USP24: variants seen among roughly 807,000 people sequenced by gnomAD.
USP24 encodes the protein ubiquitin carboxyl-terminal hydrolase 24.
In USP24, 97 loss-of-function variants were observed where a neutral mutation model predicts 361.6. The observed-to-expected ratio is 0.27, with a 90% CI of 0.23 to 0.32. USP24 has a LOEUF of 0.32. Among genes scored for constraint, USP24 ranks in the 10% least tolerant of loss-of-function variants. USP24 has a pLI of 1.00. For synonymous variants in USP24, 1,098 were observed against 1,124.6 expected (o/e 0.98, Z 0.47); for missense variants, 2,353 against 3,165.6 (o/e 0.74, Z 6.16).
At chr1:55,081,678 G>C (rs1328221933) in intron 58 of USP24, among the ~76,000 whole-genome samples, 2 of 152,140 alleles carry the variant, frequency 1.3e-5, no homozygotes, top group Non-Finnish European at 2.9e-5. Context: ...CAGTATAATG[G>C]GAAAAACTCT....
chr1:55,215,150 C>G lies in USP24; in HGVS notation c.-37G>C. On this transcript the variant is annotated 5_prime_UTR_variant, in exon 1 of 68. Transcript: ENST00000294383. ...CCTGGCCGCCCCGGCCAGCGCACGG[C>G]GAAGCTACGGGTCCCGGGCCTGGCG... The G allele has an allele frequency of 8.2e-7, 1 of 1,217,332 alleles. No individual in the cohort carries two copies. The allele number at this position is 1,217,332 out of a possible 1,614,324, so 75.4% of individuals were successfully genotyped here.
rs1570320343 is a variant in USP24, at chr1:55,068,821, G to A, written c.*224C>T. 2.3e-5 allele frequency: 13 copies of A among 560,182 alleles called. No homozygotes were observed. In the East Asian group the frequency reaches 2.6e-4, roughly 11 times the overall value. The allele number at this position is 560,182 out of a possible 1,614,324, so 34.7% of individuals were successfully genotyped here. ...GAATCCACATATAGACCACGCTCCC[G>A]GGACAGCTGATCCACATGCCGGAGT... is the stretch of plus-strand genomic sequence containing the variant. On this transcript the variant is annotated 3_prime_UTR_variant, in exon 68 of 68. Transcript: ENST00000294383.
At chr1:55,088,005 G>T in intron 55 of USP24, among the ~76,000 whole-genome samples, 1 of 152,248 alleles carries the variant, frequency 6.6e-6, no homozygotes. Flanking sequence ...CAAGCAGAGA[G>T]TGAGTCAAGG....
In USP24 at chr1:55,086,058, G is replaced by A; in HGVS notation, c.6669-20C>T. On this transcript the variant is annotated intron_variant, in intron 55 of 67. Coordinates refer to ENST00000294383, the MANE Select transcript of USP24 (RefSeq NM_015306.3). Reference sequence around the variant, plus strand: ...AAAATCCTGAAAGAAAGAGAAAGGTGGTGTGAAAAAGCAAGATACATTTCC... The same window carrying A: ...AAAATCCTGAAAGAAAGAGAAAGGTAGTGTGAAAAAGCAAGATACATTTCC... The A allele has an allele frequency of 4.3e-6, 7 of 1,610,824 alleles. No individual in the cohort carries two copies. The highest frequency in any genetic ancestry group is 5.9e-6 in the Non-Finnish European group (7 of 1,177,462).
chr1:55,136,958 A>T (rs1646752671), intron 28 of USP24, among the ~76,000 whole-genome samples: 1 of 152,178 alleles, frequency 6.6e-6, no homozygotes, highest in South Asian at 2.1e-4. Flanking sequence ...TTTTTAAGGG[A>T]ATGACTGTAG....
chr1:55,175,200 T>G (rs553478466), intron 3 of USP24, among the ~76,000 whole-genome samples: 21 of 147,562 alleles, frequency 1.4e-4, no homozygotes, highest in Non-Finnish European at 2.8e-4. Context: ...GCAAATGAAC[T>G]CTTTGTTTTA....
chr1:55,132,579 C>T lies in USP24; in HGVS notation c.3503G>A (p.Gly1168Glu). The change falls in exon 31 of 68, where the codon GGA becomes GAA. Residue 1168 changes from glycine (G) to glutamate (E), a missense_variant. By Grantham distance (98) the Gly-to-Glu change is moderately conservative. Around this residue, in one of 8 missense-constraint regions of USP24, gnomAD observed 949 missense variants for 1,280.5 expected, o/e 0.74. Transcript: ENST00000294383. ...LESLFRSFAP[G>E]MSTFRVLYNL... ...GTAGAGCACTCTGAAGGTAGACATT[C>T]CCGGGGCAAAAGATCGAAACAGACT... is the stretch of plus-strand genomic sequence containing the variant. 1.2e-6 allele frequency: 2 copies of T among 1,613,572 alleles called. No individual in the cohort carries two copies. Among genetic ancestry groups the T allele is most frequent in the Non-Finnish European group, 1.7e-6 (2 of 1,179,644 alleles).
chr1:55,090,827 G>A (rs1418834065), intron 54 of USP24, among the ~76,000 whole-genome samples: 2 of 152,256 alleles, frequency 1.3e-5, no homozygotes, highest in Non-Finnish European at 2.9e-5. Context: ...GCTCACGCCT[G>A]TAATCTCTGC....
chr1:55,192,788 T>G (rs1378577185), intron 1 of USP24, among the ~76,000 whole-genome samples: 1 of 152,170 alleles, frequency 6.6e-6, no homozygotes, highest in African/African-American at 2.4e-5. Context: ...GATAAACAAG[T>G]AAGTGTATGC....
rs1398156773 is a variant in USP24 at position 55,199,614 on chromosome 1, T to TGAGAGAGAGAGA, written c.324+15175_324+15176insTCTCTCTCTCTC. ...GTGTGTGTGTGTGTGTGTGTGTGTG[T>TGAGAGAGAGAGA]GTGTGTGTGAGAGAGAGAGAGACAG... On this transcript the variant is annotated intron_variant, in intron 1 of 67. Coordinates refer to ENST00000294383, the MANE Select transcript of USP24 (RefSeq NM_015306.3). Among the ~76,000 whole-genome samples, 10 of 140,690 alleles carry TGAGAGAGAGAGA rather than the reference T, an allele frequency of 7.1e-5. No individual in the cohort carries two copies. The South Asian group carries it at 1.7e-3, about 24-fold the overall frequency. The allele number at this position is 140,690 out of a possible 152,430, so 92.3% of individuals were successfully genotyped here.
chr1:55,142,309 T>C (rs904090999), intron 23 of USP24, among the ~76,000 whole-genome samples: 1 of 152,216 alleles, frequency 6.6e-6, no homozygotes, highest in Non-Finnish European at 1.5e-5. Flanking sequence ...CAATACCACC[T>C]ACTACTAACT....
chr1:55,093,985 G>A lies in USP24; in HGVS notation c.6306C>T (p.Gly2102=), dbSNP rs543313134. 8 of 1,613,582 alleles carry A rather than the reference G, an allele frequency of 5.0e-6. No homozygotes were observed. The highest frequency in any genetic ancestry group is 2.7e-5 in the African/African-American group (2 of 74,932). Residue 2102 remains glycine (G), a synonymous_variant, in exon 52 of 68, where the codon GGC becomes GGT. Coordinates refer to ENST00000294383, the MANE Select transcript of USP24 (RefSeq NM_015306.3). ...TCTCCACAAACAGTCCTTTCTTCTC[G>A]CCTTTTTTAACCAGCTTGGTAAGAA... ...LSILTKLVKK[G]EKKGLFVEKM...
chr1:55,189,646 T>TG (rs1277230566), intron 1 of USP24, among the ~76,000 whole-genome samples: 1 of 152,220 alleles, frequency 6.6e-6, no homozygotes. Context: ...TGGTGATGGT[T>TG]GCACAATTCT....
chr1:55,137,122 G>A lies in USP24; in HGVS notation c.3201+393C>T, dbSNP rs530338282. 2.5e-4 allele frequency among the ~76,000 whole-genome samples: 38 copies of A among 152,268 alleles called. 2 individuals carry two copies. In the South Asian group the frequency reaches 6.6e-3, roughly 27 times the overall value. ...ACAGTGGAAATTCACACCAAGTCCC[G>A]AAAGCCAAGTGAAGAGTGTTCCAAG... is the stretch of plus-strand genomic sequence containing the variant. On this transcript the variant is annotated intron_variant, in intron 28 of 67. Transcript: ENST00000294383.
chr1:55,075,663 CAA>C, intron 62 of USP24, 140 bp from the exon 63 acceptor site: 1 of 245,768 alleles, frequency 4.1e-6, no homozygotes, highest in African/African-American at 2.0e-4. Flanking sequence ...ACAACAACAA[CAA>C]CACCACCACC....
At chr1:55,153,949 A>G in intron 15 of USP24, 32 bp from the exon 16 acceptor site, 1 of 1,548,620 alleles carries the variant, frequency 6.5e-7, no homozygotes, top group Non-Finnish European at 8.7e-7. Context: ...AATATAAGTG[A>G]CTTGGTAAAA....
chr1:55,208,733 C>T (rs1011767776), intron 1 of USP24, among the ~76,000 whole-genome samples: 4 of 151,938 alleles, frequency 2.6e-5, no homozygotes, highest in East Asian at 1.9e-4. Context: ...GTCAGGAGTT[C>T]GAGACCAGCC....
intron 3 of USP24, 98 bp downstream of exon 3, chr1:55,176,277 TA>T (rs1569583763): frequency 9.9e-7 from 1 of 1,007,540 alleles, no homozygotes; most frequent in East Asian, 2.7e-5. Context: ...AAACTGGTCT[TA>T]TACATAAAAA....
chr1:55,197,973 T>C (rs955989199), intron 1 of USP24, among the ~76,000 whole-genome samples: 3 of 152,164 alleles, frequency 2.0e-5, no homozygotes, highest in African/African-American at 7.2e-5. Context: ...GAGTACCAAA[T>C]AAGATAATGT....
Sources: allele counts gnomAD v4.1 joint callset (sites outside exome capture counted in the v4.1 genomes callset), GRCh38; gene constraint gnomAD v4.1.1; regional missense constraint gnomAD v4.1.1; transcripts MANE v1.5; gene names NCBI Gene and HGNC (gene_info 2026-07-23, HGNC 2026-07-21).